COL28A1: variants seen among roughly 807,000 people sequenced by gnomAD.
COL28A1 encodes the protein collagen type XXVIII alpha 1 chain, also known as collagen alpha-1(XXVIII) chain.
Under a neutral mutation model 150.2 loss-of-function variants are expected in COL28A1, and 161 were observed. The ratio of observed to expected loss-of-function variants is 1.07; its 90% CI spans 0.94 to 1.22. The LOEUF is 1.22. Ranked by LOEUF, COL28A1 falls within the 50% of genes most tolerant of loss-of-function variation. The probability of loss-of-function intolerance (pLI) is 0.00; values close to 1 mark genes in which losing one functional copy is unlikely to be tolerated. For missense variants in COL28A1, 1,617 were observed against 1,388.3 expected (o/e 1.16, Z -2.62); for synonymous variants, 552 against 469.7 (o/e 1.18, Z -2.26).
intron 33 of COL28A1, among the ~76,000 whole-genome samples, chr7:7,364,702 C>A (rs898032396): frequency 2.6e-5 from 4 of 152,086 alleles, no homozygotes; most frequent in African/African-American, 9.7e-5. Context: ...TAGCTAATAA[C>A]CCTAAGATGG....
At chr7:7,493,690 G>A (rs1234158622) in intron 11 of COL28A1, among the ~76,000 whole-genome samples, 5 of 151,948 alleles carry the variant, frequency 3.3e-5, no homozygotes, top group African/African-American at 1.2e-4. Context: ...TTCCTACAGA[G>A]ATTCCTGAGG....
chr7:7,429,653 T>A (rs1379687183), intron 25 of COL28A1, among the ~76,000 whole-genome samples: 1 of 152,188 alleles, frequency 6.6e-6, no homozygotes, highest in Admixed American at 6.5e-5. Context: ...CCAAGTTCCC[T>A]TGATTCTAAG....
chr7:7,397,335 A>G (rs1225983772), intron 27 of COL28A1, among the ~76,000 whole-genome samples: 2 of 152,078 alleles, frequency 1.3e-5, no homozygotes, highest in African/African-American at 4.8e-5. Context: ...TATAAAGGAC[A>G]TTCGGGCCTT....
chr7:7,520,830 C>A (rs991036889), intron 5 of COL28A1, among the ~76,000 whole-genome samples: 3 of 152,180 alleles, frequency 2.0e-5, no homozygotes, highest in Non-Finnish European at 2.9e-5. Context: ...CCCTGGCCAT[C>A]TCTTGGTGTC....
intron 15 of COL28A1, among the ~76,000 whole-genome samples, chr7:7,459,478 A>G (rs1203930717): frequency 6.6e-6 from 1 of 152,270 alleles, no homozygotes; most frequent in Non-Finnish European, 1.5e-5. Flanking sequence ...AATCATGAAT[A>G]TCAATTGTTA....
the COL28A1 span, among the ~76,000 whole-genome samples, chr7:7,543,416 T>A: frequency 6.6e-6 from 1 of 152,242 alleles, no homozygotes; most frequent in Admixed American, 6.5e-5. Flanking sequence ...CTGTTACAGA[T>A]AAAATACACT....
chr7:7,517,883 G>A (rs1272306552), intron 6 of COL28A1, 46 bp from the exon 7 acceptor site: 4 of 1,606,498 alleles, frequency 2.5e-6, no homozygotes, highest in Non-Finnish European at 3.4e-6. Flanking sequence ...CCTGAAGAGT[G>A]ACTGATTGCT....
chr7:7,454,928 T>A (rs1787023981), intron 16 of COL28A1, among the ~76,000 whole-genome samples: 1 of 152,232 alleles, frequency 6.6e-6, no homozygotes, highest in African/African-American at 2.4e-5. Context: ...TTAAGATTCC[T>A]AATGTGTTAG....
At chr7:7,523,546 G>C (rs900452857) in intron 4 of COL28A1, among the ~76,000 whole-genome samples, 13 of 152,008 alleles carry the variant, frequency 8.6e-5, no homozygotes, top group Admixed American at 8.5e-4. Flanking sequence ...CGTAGGTTTG[G>C]TTGACTCCTA....
At chr7:7,416,116 T>C (rs1211684581) in intron 27 of COL28A1, among the ~76,000 whole-genome samples, 1 of 152,218 alleles carries the variant, frequency 6.6e-6, no homozygotes. Flanking sequence ...AGAAGTTTTA[T>C]GAGTGAGCCT....
At chr7:7,520,361 C>T (rs888317853) in intron 5 of COL28A1, among the ~76,000 whole-genome samples, 1 of 152,176 alleles carries the variant, frequency 6.6e-6, no homozygotes, top group Non-Finnish European at 1.5e-5. Context: ...ATTACTTCTT[C>T]CCAAAACAAT....
At chr7:7,413,826 T>A (rs1309405013) in intron 27 of COL28A1, among the ~76,000 whole-genome samples, 2 of 152,178 alleles carry the variant, frequency 1.3e-5, no homozygotes, top group Non-Finnish European at 2.9e-5. Context: ...CAAAAGGCAG[T>A]GGCATAGAAG....
intron 27 of COL28A1, among the ~76,000 whole-genome samples, chr7:7,406,603 A>C (rs1368354977): frequency 6.6e-6 from 1 of 152,198 alleles, no homozygotes; most frequent in East Asian, 1.9e-4. Flanking sequence ...TAGGGGCAGG[A>C]TAGTGTGGTC....
In COL28A1 at chr7:7,373,377, G is replaced by A. The variant is rs1781340040; in HGVS notation, c.2529C>T (p.Ser843=). The change falls in exon 32 of 35, where the codon AGC becomes AGT. Residue 843 remains serine, a synonymous_variant. Coordinates refer to ENST00000399429, the MANE Select transcript of COL28A1 (RefSeq NM_001037763.3). The surrounding 1 kb of genome is among the most constrained non-coding windows in gnomAD (Gnocchi z 4.1). The part of the protein sequence containing the change: ...ATARIGIINY[S]HKVEKVANLK... ...AATTAGCCACCTTCTCCACCTTATG[G>A]CTATAGTTGATTATGCCTATGCGGG... 3 of 1,614,132 alleles carry A rather than the reference G, an allele frequency of 1.9e-6. No individual in the cohort carries two copies. Among genetic ancestry groups the A allele is most frequent in the Non-Finnish European group, 2.5e-6 (3 of 1,180,030 alleles).
rs1780464396 is a variant in COL28A1, at chr7:7,358,729, G to A, written c.3282C>T (p.Val1094=). The change falls in exon 35 of 35, where the codon GTC becomes GTT. Residue 1094 remains valine, a synonymous_variant. Coordinates refer to ENST00000399429, the MANE Select transcript of COL28A1 (RefSeq NM_001037763.3). ...TGAACCAAAATCGGGCACAAGAGTT[G>A]ACCTGTTTGTCATAATACCATCGAA... ...YVVRWYYDKQ[V]NSCARFWFSG... 6.2e-7 allele frequency: 1 copy of A among 1,613,782 alleles called. No homozygotes were observed. Among genetic ancestry groups the A allele is most frequent in the Non-Finnish European group, 8.5e-7 (1 of 1,179,930 alleles).
intron 25 of COL28A1, among the ~76,000 whole-genome samples, chr7:7,427,726 T>C (rs749753569): frequency 3.3e-5 from 5 of 152,226 alleles, no homozygotes; most frequent in Non-Finnish European, 7.3e-5. Flanking sequence ...CATTTAAAGT[T>C]ACTGAAAAAT....
At chr7:7,505,678 T>C (rs1417380813) in intron 11 of COL28A1, among the ~76,000 whole-genome samples, 2 of 152,164 alleles carry the variant, frequency 1.3e-5, no homozygotes, top group Non-Finnish European at 2.9e-5. Flanking sequence ...AATAGAGTGG[T>C]TTGAATTGTG....
At chr7:7,430,277 C>G (rs1260772706) in intron 25 of COL28A1, among the ~76,000 whole-genome samples, 1 of 152,138 alleles carries the variant, frequency 6.6e-6, no homozygotes, top group Non-Finnish European at 1.5e-5. Flanking sequence ...TAGGCGCCCA[C>G]CACCACGCCC....
chr7:7,351,384 A>G (rs1780227270), downstream of COL28A1, among the ~76,000 whole-genome samples: 1 of 152,194 alleles, frequency 6.6e-6, no homozygotes, highest in African/African-American at 2.4e-5. Context: ...TCCAGCTCCA[A>G]TTACAGCAAC....
Sources: allele counts gnomAD v4.1 joint callset (sites outside exome capture counted in the v4.1 genomes callset), GRCh38; gene constraint gnomAD v4.1.1; non-coding constraint Gnocchi (gnomAD v3.1); transcripts MANE v1.5; gene names NCBI Gene and HGNC (gene_info 2026-07-23, HGNC 2026-07-21).